Variants in ARMC2 observed in about 807,000 individuals in gnomAD.
ARMC2 encodes the protein armadillo repeat-containing protein 2.
In ARMC2, 67 loss-of-function variants were observed where a neutral mutation model predicts 90.3. The observed-to-expected ratio is 0.74, with a 90% CI of 0.61 to 0.91. The LOEUF is 0.91. ARMC2 is among the 40% of genes least tolerant of loss of function. The pLI is 0.00. For missense variants in ARMC2, 920 were observed against 1,030.9 expected (o/e 0.89, Z 1.47); for synonymous variants, 393 against 393.0 (o/e 1.00, Z 0.00).
At chr6:109,008,560 T>G in the ARMC2 span, among the ~76,000 whole-genome samples, 1 of 152,212 alleles carries the variant, frequency 6.6e-6, no homozygotes, top group African/African-American at 2.4e-5. Flanking sequence ...AACCACGTCA[T>G]TTTAGTGAGT....
the ARMC2 span, among the ~76,000 whole-genome samples, chr6:109,007,707 T>C: frequency 6.6e-6 from 1 of 150,708 alleles, no homozygotes; most frequent in Admixed American, 6.6e-5. Flanking sequence ...ATGCCTACTA[T>C]AGCAAAATGT....
chr6:108,966,129 A>T (rs1053726983), intron 17 of ARMC2, among the ~76,000 whole-genome samples: 5 of 145,508 alleles, frequency 3.4e-5, no homozygotes, highest in Non-Finnish European at 7.5e-5. Context: ...CCAGGAGGCC[A>T]TGTGGAAAGG....
the ARMC2 span, among the ~76,000 whole-genome samples, chr6:109,020,888 A>G: frequency 7.2e-5 from 11 of 152,350 alleles, no homozygotes; most frequent in East Asian, 2.1e-3. Flanking sequence ...TTCTCTTCAA[A>G]TACTACTTAA....
At chr6:109,013,497 C>T in the ARMC2 span, among the ~76,000 whole-genome samples, 47 of 152,062 alleles carry the variant, frequency 3.1e-4, no homozygotes, top group Non-Finnish European at 5.4e-4. Context: ...CTTCCCTGAG[C>T]GCATTAGGTC....
chr6:109,023,820 A>G, the ARMC2 span, among the ~76,000 whole-genome samples: 1 of 151,362 alleles, frequency 6.6e-6, no homozygotes, highest in Non-Finnish European at 1.5e-5. Context: ...AAAAACATAA[A>G]TGAAGACTTA....
intron 16 of ARMC2, 129 bp downstream of exon 16, chr6:108,964,441 GCTAAA>G: frequency 9.1e-7 from 1 of 1,100,122 alleles, no homozygotes; most frequent in Non-Finnish European, 1.3e-6. Context: ...CTAAGCTGAG[GCTAAA>G]GAGGGGGTTT....
intron 8 of ARMC2, among the ~76,000 whole-genome samples, chr6:108,905,293 G>C (rs940143126): frequency 6.6e-6 from 1 of 152,160 alleles, no homozygotes; most frequent in African/African-American, 2.4e-5. Context: ...TCATAAAGCA[G>C]AATTTTCTGA....
Position 108,928,983 on chromosome 6 carries a change from T to A in ARMC2, c.1496+750T>A, listed in dbSNP as rs577453219. Among the ~76,000 whole-genome samples, 191 of 152,316 alleles carry A rather than the reference T, an allele frequency of 1.3e-3. 1 individual carries two copies. Among genetic ancestry groups the A allele is most frequent in the Middle Eastern group, 3.4e-3 (1 of 294 alleles). On this transcript the variant is annotated intron_variant, in intron 11 of 17. Coordinates refer to ENST00000392644, the MANE Select transcript of ARMC2 (RefSeq NM_032131.6). ...TGTGAGTCCAAATCTGATTTTTTTT[T>A]AAATGAATGTCAACTTGTATTATAG...
At chr6:108,894,948 A>G (rs2128457736) in intron 6 of ARMC2, among the ~76,000 whole-genome samples, 1 of 150,298 alleles carries the variant, frequency 6.7e-6, no homozygotes, top group South Asian at 2.1e-4. Flanking sequence ...TTGTATTTTT[A>G]GTAGAGACGA....
rs1160380995 is a variant in ARMC2, at chr6:108,930,682, C to T, written c.1496+2449C>T. 6.3e-5 allele frequency among the ~76,000 whole-genome samples: 9 copies of T among 142,058 alleles called. No homozygotes were observed. The East Asian group carries it at 1.2e-3, about 20-fold the overall frequency. The allele number at this position is 142,058 out of a possible 152,430, so 93.2% of individuals were successfully genotyped here. A position where few individuals can be genotyped will look rare whatever the true frequency, so the allele number is the denominator to read the frequency against. ...GGTGATCTCGGCTCACTGCAAGCTT[C>T]GCCTCCCAGGTTCATGCCATTCTCC... On this transcript the variant is annotated intron_variant, in intron 11 of 17. Coordinates refer to ENST00000392644, the MANE Select transcript of ARMC2 (RefSeq NM_032131.6).
chr6:109,001,452 C>A, the ARMC2 span: 1 of 1,613,710 alleles, frequency 6.2e-7, no homozygotes, highest in Non-Finnish European at 8.5e-7. Context: ...GCAAATAAAG[C>A]ATGCATCTGT....
chr6:108,963,275 A>G (rs534348424), intron 15 of ARMC2, among the ~76,000 whole-genome samples: 1 of 152,332 alleles, frequency 6.6e-6, no homozygotes, highest in Admixed American at 6.5e-5. Flanking sequence ...CAAATATTTC[A>G]TGTAACAATA....
chr6:108,883,816 A>C (rs535385022), intron 5 of ARMC2, among the ~76,000 whole-genome samples: 2 of 152,236 alleles, frequency 1.3e-5, no homozygotes, highest in East Asian at 3.9e-4. Context: ...GATTCCATTT[A>C]TATGTATCCA....
At chr6:109,012,736 G>A in the ARMC2 span, among the ~76,000 whole-genome samples, 4 of 152,144 alleles carry the variant, frequency 2.6e-5, no homozygotes, top group Admixed American at 2.6e-4. Context: ...AAAGGAAAGA[G>A]TGATCCATTA....
At chr6:108,890,188 TCAAAAAAAAAAAAA>T (rs1770826577) in intron 5 of ARMC2, among the ~76,000 whole-genome samples, 1 of 23,972 alleles carries the variant, frequency 4.2e-5, no homozygotes, top group Non-Finnish European at 6.5e-5. Context: ...AGACTCCGTC[TCAAAAAAAAAAAAA>T]AAAAAAAAAA....
intron 7 of ARMC2, among the ~76,000 whole-genome samples, chr6:108,903,622 A>G (rs1429009114): frequency 6.6e-6 from 1 of 152,218 alleles, no homozygotes; most frequent in East Asian, 1.9e-4. Context: ...ATTGATAGAA[A>G]GAAATGTAAG....
At chr6:108,980,028 C>T in the ARMC2 span, among the ~76,000 whole-genome samples, 1 of 151,928 alleles carries the variant, frequency 6.6e-6, no homozygotes, top group Non-Finnish European at 1.5e-5. Context: ...CAGTTTTGTT[C>T]CCTTGCTGGC....
the ARMC2 span, among the ~76,000 whole-genome samples, chr6:109,028,081 T>C: frequency 6.6e-6 from 1 of 152,206 alleles, no homozygotes; most frequent in African/African-American, 2.4e-5. Flanking sequence ...TTTGTCAATA[T>C]TTTCTTTAAT....
intron 10 of ARMC2, among the ~76,000 whole-genome samples, chr6:108,922,737 T>C (rs572003993): frequency 6.6e-6 from 1 of 152,162 alleles, no homozygotes; most frequent in Non-Finnish European, 1.5e-5. Flanking sequence ...AGTCTCCAGG[T>C]GTTTTCCCTG....
Sources: allele counts gnomAD v4.1 joint callset (sites outside exome capture counted in the v4.1 genomes callset), GRCh38; gene constraint gnomAD v4.1.1; transcripts MANE v1.5; gene names NCBI Gene and HGNC (gene_info 2026-07-23, HGNC 2026-07-21).